Variants in PLCE1 observed in about 807,000 individuals in gnomAD.
PLCE1 encodes the protein phospholipase C epsilon 1, also known as 1-phosphatidylinositol 4,5-bisphosphate phosphodiesterase epsilon-1.
PLCE1 carries 119 observed loss-of-function variants against 242.8 expected under a neutral mutation model. The observed-to-expected ratio is 0.49, with a 90% confidence interval of 0.42 to 0.57. The LOEUF (loss-of-function observed/expected upper bound fraction) is 0.57. Ranked by LOEUF, PLCE1 falls within the 20% of genes least tolerant of loss-of-function variation. The probability of loss-of-function intolerance (pLI) is 0.00; values close to 1 mark genes in which losing one functional copy is unlikely to be tolerated. For missense variants in PLCE1, 2,441 were observed against 2,788.8 expected (o/e 0.88, Z 2.81); for synonymous variants, 945 against 1,017.4 (o/e 0.93, Z 1.35).
chr10:94,179,939 A>C (rs1330681496), intron 4 of PLCE1, among the ~76,000 whole-genome samples: 11 of 151,588 alleles, frequency 7.3e-5, no homozygotes, highest in African/African-American at 2.7e-4. Context: ...TAGTTCCCAA[A>C]AAAAAAAAAA....
chr10:94,318,695 G>C (rs1228772486), intron 29 of PLCE1, among the ~76,000 whole-genome samples: 1 of 152,190 alleles, frequency 6.6e-6, no homozygotes, highest in Non-Finnish European at 1.5e-5. Context: ...TGGCTGCTGA[G>C]TGTCACAGGA....
intron 9 of PLCE1, among the ~76,000 whole-genome samples, chr10:94,253,071 A>G (rs920867136): frequency 6.6e-6 from 1 of 152,222 alleles, no homozygotes; most frequent in Non-Finnish European, 1.5e-5. Context: ...AGCACTGTGT[A>G]TTATAAACTA....
At chr10:94,308,215 T>A (rs899878537) in intron 26 of PLCE1, among the ~76,000 whole-genome samples, 4 of 152,236 alleles carry the variant, frequency 2.6e-5, no homozygotes, top group African/African-American at 9.6e-5. Context: ...TCTTCCATTG[T>A]GGGAATGTTC....
Position 94,220,376 on chromosome 10 carries a change from T to TATATA in PLCE1, c.1810-6930_1810-6929insATATA, listed in dbSNP as rs2049686957. The stretch of plus-strand genomic sequence containing the variant: ...AATAAAAGCTTAAAAACTAAACATT[T>TATATA]TATATATATATATATATATATATAT... On this transcript the variant is annotated intron_variant, in intron 4 of 32. Coordinates refer to ENST00000371380, the MANE Select transcript of PLCE1 (RefSeq NM_016341.4). Among the ~76,000 whole-genome samples the TATATA allele has an allele frequency of 3.7e-3, 232 of 61,902 alleles. 14 individuals carry two copies. The highest frequency in any genetic ancestry group is 0.013 in the African/African-American group (203 of 15,974). 40.6% of individuals were successfully genotyped at this position (61,902 alleles called of 152,430 possible).
intron 4 of PLCE1, among the ~76,000 whole-genome samples, chr10:94,190,984 A>G (rs1241673452): frequency 1.3e-5 from 2 of 152,334 alleles, no homozygotes; most frequent in African/African-American, 2.4e-5. Flanking sequence ...ACCCCCTGAC[A>G]TGGCAGATCA....
chr10:94,068,179 TA>T (rs1475734234), intron 2 of PLCE1, among the ~76,000 whole-genome samples: 1 of 152,168 alleles, frequency 6.6e-6, no homozygotes, highest in Non-Finnish European at 1.5e-5. Flanking sequence ...TTTGTTCACC[TA>T]AAAACTCCCA....
At chr10:94,033,400 C>T (rs1167732736) in intron 2 of PLCE1, among the ~76,000 whole-genome samples, 6 of 151,928 alleles carry the variant, frequency 3.9e-5, no homozygotes, top group Non-Finnish European at 8.8e-5. Flanking sequence ...GTCGATCACC[C>T]TAAATATCAA....
At chr10:94,202,207 A>G (rs2049007801) in intron 4 of PLCE1, among the ~76,000 whole-genome samples, 1 of 152,234 alleles carries the variant, frequency 6.6e-6, no homozygotes, top group East Asian at 1.9e-4. Context: ...TGTCTGGACT[A>G]TCTAGCTCCA....
In PLCE1 at chr10:94,293,659, A is replaced by G. The variant is rs779333796; in HGVS notation, c.5167+20A>G. ...GAAAAAGTAAAGTCACTTTCTTACA[A>G]TATCTTTGCTTGATTCTGCATGCTG... On this transcript the variant is annotated intron_variant, in intron 23 of 32. Coordinates refer to ENST00000371380, the MANE Select transcript of PLCE1 (RefSeq NM_016341.4). 71 of 1,612,272 alleles carry G rather than the reference A, an allele frequency of 4.4e-5. No individual in the cohort carries two copies. The highest frequency in any genetic ancestry group is 4.3e-4 in the Admixed American group (26 of 59,974).
At chr10:93,996,051 A>C (rs2060812995) in intron 1 of PLCE1, among the ~76,000 whole-genome samples, 1 of 152,260 alleles carries the variant, frequency 6.6e-6, no homozygotes, top group Admixed American at 6.5e-5. Context: ...TAAAGTAGAC[A>C]GCAGGGGACG....
At chr10:94,300,650 G>A (rs930994464) in intron 24 of PLCE1, among the ~76,000 whole-genome samples, 1 of 148,306 alleles carries the variant, frequency 6.7e-6, no homozygotes, top group Admixed American at 6.7e-5. Flanking sequence ...GTAAATGCTT[G>A]TTACTCTGAG....
At chr10:94,191,365 G>T (rs2048660091) in intron 4 of PLCE1, among the ~76,000 whole-genome samples, 1 of 152,144 alleles carries the variant, frequency 6.6e-6, no homozygotes. Flanking sequence ...GGGCTGGACG[G>T]GCACAGGCGC....
intron 2 of PLCE1, among the ~76,000 whole-genome samples, chr10:94,063,851 ATTAG>A (rs2044127717): frequency 6.6e-6 from 1 of 152,156 alleles, no homozygotes; most frequent in Non-Finnish European, 1.5e-5. Context: ...GGCAATAGTA[ATTAG>A]TTAAAGTCAA....
chr10:94,073,175 A>G (rs1335355349), intron 2 of PLCE1, among the ~76,000 whole-genome samples: 2 of 133,122 alleles, frequency 1.5e-5, no homozygotes, highest in Admixed American at 8.0e-5. Context: ...CACCAACCCC[A>G]GGCAGTTCAT....
intron 2 of PLCE1, among the ~76,000 whole-genome samples, chr10:94,053,731 T>C (rs1750094532): frequency 6.6e-6 from 1 of 152,152 alleles, no homozygotes; most frequent in South Asian, 2.1e-4. Flanking sequence ...GGACTAGGGT[T>C]TGGGATTTCG....
intron 3 of PLCE1, among the ~76,000 whole-genome samples, chr10:94,148,576 C>T (rs528008085): frequency 3.3e-5 from 5 of 152,214 alleles, no homozygotes; most frequent in South Asian, 4.1e-4. Flanking sequence ...GGATCATGCA[C>T]GGGCAAATAA....
At chr10:94,276,220 T>C (rs980197491) in intron 19 of PLCE1, among the ~76,000 whole-genome samples, 1 of 152,216 alleles carries the variant, frequency 6.6e-6, no homozygotes, top group African/African-American at 2.4e-5. Context: ...CTCTCCTCTC[T>C]TGTAGCCTGC....
intron 3 of PLCE1, among the ~76,000 whole-genome samples, chr10:94,167,664 C>T (rs2136285345): frequency 8.8e-6 from 1 of 114,008 alleles, no homozygotes; most frequent in East Asian, 3.2e-4. Context: ...TGCTATCCCT[C>T]CCCCCTCCCC....
intron 4 of PLCE1, among the ~76,000 whole-genome samples, chr10:94,205,672 C>T (rs541584930): frequency 1.3e-5 from 2 of 152,332 alleles, no homozygotes; most frequent in African/African-American, 2.4e-5. Flanking sequence ...TATCCTAATG[C>T]CCTTTCCAGG....
Sources: allele counts gnomAD v4.1 joint callset (sites outside exome capture counted in the v4.1 genomes callset), GRCh38; gene constraint gnomAD v4.1.1; transcripts MANE v1.5; gene names NCBI Gene and HGNC (gene_info 2026-07-23, HGNC 2026-07-21).